WASF1: variants seen among roughly 807,000 people sequenced by gnomAD.
WASF1 encodes WASP family member 1, also known as actin-binding protein WASF1.
A neutral mutation model predicts 50.5 loss-of-function variants in WASF1; 7 were observed. That is an observed-to-expected ratio of 0.14 (90% CI 0.08 to 0.26). The LOEUF (loss-of-function observed/expected upper bound fraction) is 0.26. Among genes scored for constraint, WASF1 ranks in the 10% least tolerant of loss-of-function variants. The probability of loss-of-function intolerance (pLI) is 1.00; values close to 1 mark genes in which losing one functional copy is unlikely to be tolerated. For synonymous variants in WASF1, 205 were observed against 244.0 expected (o/e 0.84, Z 1.49); for missense variants, 470 against 694.7 (o/e 0.68, Z 3.64).
chr6:110,147,848 G>A (rs1775642081), intron 3 of WASF1, among the ~76,000 whole-genome samples: 1 of 152,148 alleles, frequency 6.6e-6, no homozygotes, highest in Non-Finnish European at 1.5e-5. Flanking sequence ...CCTGGCTAAA[G>A]CAGTCCTCCC....
At chr6:110,114,824 A>G (rs911609729) in intron 4 of WASF1, among the ~76,000 whole-genome samples, 1 of 151,756 alleles carries the variant, frequency 6.6e-6, no homozygotes, top group African/African-American at 2.4e-5. Flanking sequence ...TTGGCCAGGC[A>G]TGACAGTCTG....
At chr6:110,178,256 A>T (rs1777019522) in intron 2 of WASF1, among the ~76,000 whole-genome samples, 1 of 152,190 alleles carries the variant, frequency 6.6e-6, no homozygotes, top group South Asian at 2.1e-4. Flanking sequence ...ATTTTATATC[A>T]AATACTTCAT....
chr6:110,109,180 C>T (rs1422855905), intron 5 of WASF1, among the ~76,000 whole-genome samples: 1 of 148,196 alleles, frequency 6.7e-6, no homozygotes, highest in Non-Finnish European at 1.5e-5. Context: ...CAAGTTAAAA[C>T]AAACTTTACT....
intron 3 of WASF1, among the ~76,000 whole-genome samples, chr6:110,159,098 G>GT (rs149210160): frequency 1.5e-4 from 23 of 151,890 alleles, no homozygotes; most frequent in African/African-American, 5.5e-4. Flanking sequence ...ACATTTCTCC[G>GT]TATGTCCCAT....
chr6:110,142,975 T>TAAAAAAAAAAAAAAAAAAAAA (rs1396721363), intron 3 of WASF1, among the ~76,000 whole-genome samples: 91 of 97,856 alleles, frequency 9.3e-4, no homozygotes, highest in African/African-American at 2.1e-3. Flanking sequence ...AAAAAAAAAC[T>TAAAAAAAAAAAAAAAAAAAAA]AAAGCAATTC....
intron 3 of WASF1, among the ~76,000 whole-genome samples, chr6:110,150,397 T>A (rs375427243): frequency 6.6e-6 from 1 of 152,236 alleles, no homozygotes. Flanking sequence ...GACAGTAATT[T>A]AGACCTGTTC....
chr6:110,171,996 C>T (rs1043361380), intron 2 of WASF1, among the ~76,000 whole-genome samples: 8 of 152,122 alleles, frequency 5.3e-5, no homozygotes, highest in Admixed American at 5.2e-4. Context: ...TCATCTCACG[C>T]CAGTTAGAAT....
intron 3 of WASF1, among the ~76,000 whole-genome samples, chr6:110,139,043 TC>T (rs1775098084): frequency 6.6e-6 from 1 of 152,100 alleles, no homozygotes; most frequent in African/African-American, 2.4e-5. Context: ...ACTTCCATTT[TC>T]CTCCCATGCT....
At position 110,127,580 on chromosome 6, in the gene WASF1, T is replaced by C; in HGVS notation, c.22A>G (p.Ile8Val). Reference sequence around the variant, plus strand: ...GTGTGGCACAAGTGCCTAGGATCGATGTTTCTTTTCACTAGCGGCATCTTG... The same window carrying C: ...GTGTGGCACAAGTGCCTAGGATCGACGTTTCTTTTCACTAGCGGCATCTTG... Reference protein sequence around the residue: MPLVKRNIDPRHLCHTAL... With the variant: MPLVKRNVDPRHLCHTAL... The change falls in exon 4 of 11, where the codon ATC becomes GTC. Residue 8 changes from isoleucine (I) to valine (V), a missense_variant. By Grantham distance (29) the Ile-to-Val change is conservative. This residue lies in a region of WASF1 where 140 missense variants were observed against 260.5 expected (regional missense o/e 0.54). Transcript: ENST00000392589. The C allele has an allele frequency of 6.4e-7, 1 of 1,571,068 alleles. No individual in the cohort carries two copies. Among genetic ancestry groups the C allele is most frequent in the Non-Finnish European group, 8.6e-7 (1 of 1,159,506 alleles).
At chr6:110,143,723 AC>A (rs1383617910) in intron 3 of WASF1, among the ~76,000 whole-genome samples, 1 of 152,220 alleles carries the variant, frequency 6.6e-6, no homozygotes, top group African/African-American at 2.4e-5. Flanking sequence ...GTATTTTATT[AC>A]CTAATCAATG....
chr6:110,124,274 C>CTCTCTCTCTA (rs1331534646), intron 4 of WASF1, among the ~76,000 whole-genome samples: 9 of 20,502 alleles, frequency 4.4e-4, no homozygotes, highest in Non-Finnish European at 4.6e-4. Context: ...CTCTCTCTCT[C>CTCTCTCTCTA]TATATATATA....
intron 8 of WASF1, 61 bp from the exon 9 acceptor site, chr6:110,103,618 C>A: frequency 1.4e-6 from 2 of 1,394,784 alleles, no homozygotes; most frequent in Non-Finnish European, 9.6e-7. Flanking sequence ...AAGGGTTCTA[C>A]ATGAGATATT....
intron 3 of WASF1, among the ~76,000 whole-genome samples, chr6:110,133,790 CAG>C (rs1374938870): frequency 2.6e-5 from 4 of 152,084 alleles, no homozygotes; most frequent in Admixed American, 6.5e-5. Flanking sequence ...GTCAGATGTA[CAG>C]AGTGTGAAGA....
At chr6:110,160,388 A>G (rs969762691) in intron 3 of WASF1, among the ~76,000 whole-genome samples, 3 of 151,820 alleles carry the variant, frequency 2.0e-5, no homozygotes, top group African/African-American at 7.2e-5. Context: ...ACAGAATAAG[A>G]AAGGTTTTGA....
At chr6:110,168,673 T>C (rs1776574212) in intron 2 of WASF1, among the ~76,000 whole-genome samples, 1 of 152,016 alleles carries the variant, frequency 6.6e-6, no homozygotes, top group African/African-American at 2.4e-5. Flanking sequence ...CTCTCTCGAG[T>C]ACTCCACTGC....
At chr6:110,108,137 CAAAAA>C (rs369773397) in intron 6 of WASF1, among the ~76,000 whole-genome samples, 3 of 50,206 alleles carry the variant, frequency 6.0e-5, no homozygotes, top group African/African-American at 2.7e-4. Flanking sequence ...GACTCCGCCT[CAAAAA>C]AAAAAAAAAA....
At chr6:110,111,532 G>C (rs1773556101) in intron 5 of WASF1, among the ~76,000 whole-genome samples, 2 of 152,142 alleles carry the variant, frequency 1.3e-5, no homozygotes, top group Non-Finnish European at 2.9e-5. Flanking sequence ...TTCTCCAAAG[G>C]AGATATTCAA....
intron 2 of WASF1, among the ~76,000 whole-genome samples, chr6:110,172,635 C>A (rs1181455984): frequency 2.0e-5 from 3 of 152,108 alleles, no homozygotes; most frequent in Non-Finnish European, 2.9e-5. Flanking sequence ...TTTGCAGCAA[C>A]ATGGATGGAA....
chr6:110,133,921 A>G (rs1262809971), intron 3 of WASF1, among the ~76,000 whole-genome samples: 1 of 152,142 alleles, frequency 6.6e-6, no homozygotes, highest in East Asian at 1.9e-4. Flanking sequence ...GTTCTTGGTC[A>G]GGAACTGTTT....
Sources: gnomAD v4.1 joint callset for allele counts (sites outside exome capture counted in the v4.1 genomes callset) on GRCh38, gnomAD v4.1.1 for gene constraint, gnomAD v4.1.1 regional missense constraint, MANE v1.5 for transcripts, NCBI Gene and HGNC (gene_info 2026-07-23, HGNC 2026-07-21) for gene names.